The following BMPR1A variants were observed in gnomAD, a reference collection of about 807,000 sequenced individuals.
BMPR1A encodes bone morphogenetic protein receptor type-1A.
BMPR1A carries 7 observed loss-of-function variants against 66.0 expected under a neutral mutation model. The ratio of observed to expected loss-of-function variants is 0.11; its 90% CI spans 0.06 to 0.20. The LOEUF (loss-of-function observed/expected upper bound fraction) is 0.20. BMPR1A is among the 10% of genes least tolerant of loss of function. The pLI is 1.00. For missense variants in BMPR1A, 408 were observed against 669.1 expected (o/e 0.61, Z 4.31); for synonymous variants, 200 against 229.7 (o/e 0.87, Z 1.17).
chr10:86,888,148 C>CT (rs34024160), intron 3 of BMPR1A, among the ~76,000 whole-genome samples: 11,203 of 138,244 alleles, frequency 0.081, 936 homozygotes, highest in African/African-American at 0.22. Flanking sequence ...AAACTTCCAG[C>CT]TTTTTTTTTT....
intron 1 of BMPR1A, among the ~76,000 whole-genome samples, chr10:86,807,421 T>C (rs4284321): frequency 1.3e-5 from 2 of 152,174 alleles, no homozygotes; most frequent in East Asian, 3.8e-4. Flanking sequence ...CTCTCTCTCA[T>C]CCAGGCTGGA....
intron 1 of BMPR1A, among the ~76,000 whole-genome samples, chr10:86,790,742 G>T (rs1841604608): frequency 6.6e-6 from 1 of 152,142 alleles, no homozygotes; most frequent in African/African-American, 2.4e-5. Flanking sequence ...TCCGGAAAAG[G>T]TAAGTCCACA....
intron 1 of BMPR1A, among the ~76,000 whole-genome samples, chr10:86,762,006 T>G (rs1327294788): frequency 6.6e-6 from 1 of 152,152 alleles, no homozygotes; most frequent in South Asian, 2.1e-4. Flanking sequence ...CATTGCTGTA[T>G]AGATTTTATA....
intron 8 of BMPR1A, among the ~76,000 whole-genome samples, chr10:86,915,581 T>C (rs537625047): frequency 1.3e-5 from 2 of 152,188 alleles, no homozygotes; most frequent in African/African-American, 4.8e-5. Context: ...ATACAAAAAT[T>C]AGCTGGACGT....
At chr10:86,876,130 G>A (rs1310163884) in intron 3 of BMPR1A, 45 bp downstream of exon 3, 1 of 1,538,918 alleles carries the variant, frequency 6.5e-7, no homozygotes, top group Admixed American at 1.7e-5. Context: ...TATATAAAAA[G>A]CACTATTTCT....
intron 1 of BMPR1A, among the ~76,000 whole-genome samples, chr10:86,830,260 G>A (rs1318557619): frequency 6.6e-6 from 1 of 152,230 alleles, no homozygotes; most frequent in Non-Finnish European, 1.5e-5. Flanking sequence ...CAGACACCTT[G>A]ACGGGAGGTT....
chr10:86,897,909 C>CT (rs1843249170), intron 5 of BMPR1A, among the ~76,000 whole-genome samples: 1 of 152,124 alleles, frequency 6.6e-6, no homozygotes, highest in African/African-American at 2.4e-5. Flanking sequence ...CCCAGTTCAT[C>CT]TTTTTTTAAC....
intron 1 of BMPR1A, among the ~76,000 whole-genome samples, chr10:86,832,465 T>TA (rs72199985): frequency 0.13 from 16,450 of 122,146 alleles, 1,034 homozygotes; most frequent in Middle Eastern, 0.17. Flanking sequence ...AAACTCCGTC[T>TA]AAAAAAAAAA....
chr10:86,782,285 A>G (rs1387324172), intron 1 of BMPR1A, among the ~76,000 whole-genome samples: 1 of 152,190 alleles, frequency 6.6e-6, no homozygotes, highest in Non-Finnish European at 1.5e-5. Flanking sequence ...ATAGTGCTGC[A>G]GTGGACAAGA....
At chr10:86,918,015 A>C (rs1208730479) in intron 9 of BMPR1A, among the ~76,000 whole-genome samples, 1 of 152,206 alleles carries the variant, frequency 6.6e-6, no homozygotes, top group Admixed American at 6.5e-5. Flanking sequence ...TGAATACTCT[A>C]GAGGAGGAGC....
At chr10:86,780,414 T>C (rs1841419202) in intron 1 of BMPR1A, among the ~76,000 whole-genome samples, 1 of 152,184 alleles carries the variant, frequency 6.6e-6, no homozygotes, top group Non-Finnish European at 1.5e-5. Context: ...CCCTATGTTT[T>C]CTTACAGTGG....
Position 86,892,561 on chromosome 10 carries a change from T to G in BMPR1A, c.333+332T>G, listed in dbSNP as rs116222721. Among the ~76,000 whole-genome samples the G allele has an allele frequency of 0.034, 5,154 of 152,256 alleles. 198 individuals are homozygous for G. Among genetic ancestry groups the G allele is most frequent in the African/African-American group, 0.093 (3,870 of 41,524 alleles). On this transcript the variant is annotated intron_variant, in intron 5 of 12. Coordinates refer to ENST00000372037, the MANE Select transcript of BMPR1A (RefSeq NM_004329.3). ...CTCCTGCCTCAGCCTTCTGAATAGC[T>G]GAGACTACAGGTGCATGCCACTATA...
intron 11 of BMPR1A, among the ~76,000 whole-genome samples, chr10:86,922,019 T>C (rs1416804571): frequency 6.6e-6 from 1 of 151,916 alleles, no homozygotes; most frequent in Non-Finnish European, 1.5e-5. Context: ...TTCATTCTTC[T>C]ATTTTGTCTC....
chr10:86,875,130 T>A (rs916404052), intron 2 of BMPR1A, among the ~76,000 whole-genome samples: 1 of 151,582 alleles, frequency 6.6e-6, no homozygotes, highest in Non-Finnish European at 1.5e-5. Flanking sequence ...CCTAGCACTT[T>A]GGGAGGCTGA....
intron 3 of BMPR1A, chr10:86,889,614 T>G: frequency 5.8e-6 from 1 of 170,944 alleles, no homozygotes; most frequent in Non-Finnish European, 1.3e-5. Context: ...GAAGGTGGTT[T>G]TCCCAGGGCG....
intron 3 of BMPR1A, among the ~76,000 whole-genome samples, chr10:86,888,939 G>T (rs924049310): frequency 1.3e-5 from 2 of 150,576 alleles, no homozygotes; most frequent in Non-Finnish European, 3.0e-5. Flanking sequence ...GATATTTTTT[G>T]TCTTTTCAGT....
intron 10 of BMPR1A, among the ~76,000 whole-genome samples, chr10:86,919,702 G>A (rs1306032256): frequency 6.7e-6 from 1 of 149,504 alleles, no homozygotes; most frequent in Admixed American, 6.7e-5. Flanking sequence ...TTTGTTTTTT[G>A]TTTTTTGTTT....
At chr10:86,773,724 CTTTA>C (rs534411599) in intron 1 of BMPR1A, among the ~76,000 whole-genome samples, 41 of 151,604 alleles carry the variant, frequency 2.7e-4, no homozygotes, top group South Asian at 1.2e-3. Flanking sequence ...GCTGTGCGTT[CTTTA>C]TTTATAGGTT....
intron 7 of BMPR1A, among the ~76,000 whole-genome samples, chr10:86,905,621 G>A (rs562111937): frequency 2.0e-5 from 3 of 152,078 alleles, no homozygotes; most frequent in South Asian, 4.2e-4. Flanking sequence ...CACTCTTGTT[G>A]ATGTTTGCCA....
Sources: gnomAD v4.1 joint callset for allele counts (sites outside exome capture counted in the v4.1 genomes callset) on GRCh38, gnomAD v4.1.1 for gene constraint, MANE v1.5 for transcripts, NCBI Gene and HGNC (gene_info 2026-07-23, HGNC 2026-07-21) for gene names.